Variants in TBC1D22A observed in about 807,000 individuals in gnomAD.
TBC1D22A encodes the protein TBC1 domain family member 22A.
Under a neutral mutation model 60.2 loss-of-function variants are expected in TBC1D22A, and 38 were observed. The observed-to-expected ratio is 0.63, with a 90% CI of 0.49 to 0.83. TBC1D22A has a LOEUF of 0.83. TBC1D22A is among the 40% of genes least tolerant of loss of function. TBC1D22A has a pLI of 0.00. For missense variants in TBC1D22A, 628 were observed against 701.0 expected, an observed-to-expected ratio of 0.90 and a Z score of 1.18; for synonymous variants, 302 against 281.7, an observed-to-expected ratio of 1.07 and a Z score of -0.72.
intron 11 of TBC1D22A, among the ~76,000 whole-genome samples, chr22:47,109,045 T>G (rs1364093188): frequency 6.6e-6 from 1 of 152,230 alleles, no homozygotes; most frequent in Non-Finnish European, 1.5e-5. Flanking sequence ...GAGAGCTGTT[T>G]AAGATACATT....
intron 10 of TBC1D22A, among the ~76,000 whole-genome samples, chr22:47,003,388 A>G (rs971793744): frequency 3.3e-5 from 5 of 151,688 alleles, no homozygotes. Flanking sequence ...ATACGCACAC[A>G]CACCCTACAC....
At chr22:46,877,690 T>G (rs1401125021) in intron 4 of TBC1D22A, among the ~76,000 whole-genome samples, 1 of 152,270 alleles carries the variant, frequency 6.6e-6, no homozygotes, top group Non-Finnish European at 1.5e-5. Context: ...AAGTCTTCTC[T>G]TTAATCATTT....
At chr22:46,773,521 A>G (rs574039214) in intron 1 of TBC1D22A, among the ~76,000 whole-genome samples, 8 of 152,140 alleles carry the variant, frequency 5.3e-5, no homozygotes, top group African/African-American at 9.6e-5. Flanking sequence ...CTGGAATACA[A>G]TGGTGCCATC....
intron 11 of TBC1D22A, among the ~76,000 whole-genome samples, chr22:47,069,090 T>C (rs2063871886): frequency 6.6e-6 from 1 of 152,224 alleles, no homozygotes; most frequent in Non-Finnish European, 1.5e-5. Flanking sequence ...TAAATTTTCT[T>C]AATAACATTA....
intron 8 of TBC1D22A, among the ~76,000 whole-genome samples, chr22:46,967,395 T>A (rs2073854023): frequency 6.6e-6 from 1 of 152,230 alleles, no homozygotes; most frequent in Non-Finnish European, 1.5e-5. Context: ...AACTCCCAAG[T>A]TGGGAAATGC....
chr22:46,800,225 C>A (rs536501901), intron 4 of TBC1D22A, among the ~76,000 whole-genome samples: 1 of 152,216 alleles, frequency 6.6e-6, no homozygotes, highest in Admixed American at 6.5e-5. Flanking sequence ...TTTCTTCAGG[C>A]GCCTGAACCT....
intron 11 of TBC1D22A, among the ~76,000 whole-genome samples, chr22:47,060,042 C>A (rs970602629): frequency 2.0e-5 from 3 of 152,190 alleles, no homozygotes; most frequent in Middle Eastern, 3.4e-3. Context: ...ACTCTGGGGG[C>A]TCGAGATCCT....
intron 4 of TBC1D22A, among the ~76,000 whole-genome samples, chr22:46,842,144 A>G (rs1244219353): frequency 2.0e-5 from 3 of 152,206 alleles, no homozygotes; most frequent in Non-Finnish European, 4.4e-5. Context: ...CTTTTCCTTA[A>G]TTTAAAACAG....
At chr22:47,014,064 T>C (rs1354310550) in intron 10 of TBC1D22A, among the ~76,000 whole-genome samples, 2 of 151,910 alleles carry the variant, frequency 1.3e-5, no homozygotes, top group Non-Finnish European at 2.9e-5. Context: ...GGCTGTGGGG[T>C]CTAGCTGCTG....
intron 9 of TBC1D22A, among the ~76,000 whole-genome samples, chr22:46,991,991 C>T (rs1166924899): frequency 6.6e-6 from 1 of 152,204 alleles, no homozygotes; most frequent in East Asian, 1.9e-4. Context: ...GATGGTGTGG[C>T]CACCCAGGTC....
chr22:46,857,468 A>T (rs2087628657), intron 4 of TBC1D22A, among the ~76,000 whole-genome samples: 1 of 152,194 alleles, frequency 6.6e-6, no homozygotes, highest in African/African-American at 2.4e-5. Context: ...AAACATCCTT[A>T]TTCTAGACTT....
Position 47,028,795 on chromosome 22 carries a change from T to A in TBC1D22A, c.1202-8276T>A, listed in dbSNP as rs1236685144. 6.6e-6 allele frequency among the ~76,000 whole-genome samples: 1 copy of A among 152,204 alleles called. No homozygotes were observed. Among genetic ancestry groups the A allele is most frequent in the Non-Finnish European group, 1.5e-5 (1 of 68,020 alleles). On this transcript the variant is annotated intron_variant, in intron 10 of 12. Transcript: ENST00000337137. This position sits in a 1 kb window ranked among gnomAD's most constrained non-coding sequence, Gnocchi z 4.4. ...GCCTCTGCCTTGCAGTCTGGTTGGA[T>A]CTCAGCCCTCAGGACCATTTAATGG...
intron 10 of TBC1D22A, among the ~76,000 whole-genome samples, chr22:47,004,236 C>T (rs374468825): frequency 1.8e-4 from 27 of 149,590 alleles, no homozygotes; most frequent in East Asian, 6.0e-4. Flanking sequence ...CCTATATACA[C>T]GCATCTGCCA....
At chr22:46,938,214 G>C (rs983360636) in intron 8 of TBC1D22A, among the ~76,000 whole-genome samples, 1 of 152,106 alleles carries the variant, frequency 6.6e-6, no homozygotes, top group Admixed American at 6.5e-5. Context: ...ACAGTTTTTT[G>C]TCTTCACTAC....
chr22:46,938,857 A>G (rs996140478), intron 8 of TBC1D22A, among the ~76,000 whole-genome samples: 5 of 152,092 alleles, frequency 3.3e-5, no homozygotes, highest in African/African-American at 1.2e-4. Context: ...AAATGCTGGG[A>G]TTACAGGCGT....
chr22:46,921,630 A>G (rs1055601561), intron 8 of TBC1D22A, among the ~76,000 whole-genome samples: 1 of 152,222 alleles, frequency 6.6e-6, no homozygotes, highest in East Asian at 1.9e-4. Flanking sequence ...TGGGTTGAAC[A>G]GTAGTTCTGC....
At chr22:47,125,346 G>A (rs1885811126) in intron 12 of TBC1D22A, among the ~76,000 whole-genome samples, 1 of 152,210 alleles carries the variant, frequency 6.6e-6, no homozygotes, top group South Asian at 2.1e-4. Context: ...TAAGAGGCGT[G>A]CCCTGGAGAC....
intron 7 of TBC1D22A, among the ~76,000 whole-genome samples, chr22:46,911,135 GA>G (rs2069886938): frequency 1.3e-5 from 2 of 152,090 alleles, no homozygotes; most frequent in African/African-American, 4.8e-5. Flanking sequence ...TTGGTATAAT[GA>G]AACCCTCCTT....
intron 10 of TBC1D22A, among the ~76,000 whole-genome samples, chr22:47,024,152 C>T (rs868724372): frequency 1.3e-5 from 2 of 152,166 alleles, no homozygotes; most frequent in South Asian, 4.1e-4. Context: ...TGGAGGGAAA[C>T]TGTGGTAAGG....
Sources: gnomAD v4.1 joint callset for allele counts (sites outside exome capture counted in the v4.1 genomes callset) on GRCh38, gnomAD v4.1.1 for gene constraint, Gnocchi (gnomAD v3.1) non-coding constraint, MANE v1.5 for transcripts, NCBI Gene and HGNC (gene_info 2026-07-23, HGNC 2026-07-21) for gene names.